Variants in CEP350 observed in about 807,000 individuals in gnomAD.
The protein encoded by CEP350 is centrosome-associated protein 350.
CEP350 carries 126 observed loss-of-function variants against 331.8 expected under a neutral mutation model. The ratio of observed to expected loss-of-function variants is 0.38; its 90% confidence interval spans 0.33 to 0.44. The LOEUF (loss-of-function observed/expected upper bound fraction) is 0.44. CEP350 is among the 20% of genes least tolerant of loss of function. CEP350 has a pLI of 1.00. For synonymous variants in CEP350, 1,200 were observed against 1,259.5 expected, an observed-to-expected ratio of 0.95 and a Z score of 1.00; for missense variants, 3,406 against 3,634.6, an observed-to-expected ratio of 0.94 and a Z score of 1.62.
At chr1:179,968,482 T>G (rs916620829) in intron 1 of CEP350, among the ~76,000 whole-genome samples, 1 of 152,164 alleles carries the variant, frequency 6.6e-6, no homozygotes, top group African/African-American at 2.4e-5. Flanking sequence ...TATACTGCAT[T>G]AAGGAGTCAT....
At chr1:179,993,244 A>G (rs1328221788) in intron 5 of CEP350, among the ~76,000 whole-genome samples, 1 of 152,152 alleles carries the variant, frequency 6.6e-6, no homozygotes, top group Non-Finnish European at 1.5e-5. Context: ...GAGTTAAAAA[A>G]AAGAAGGGAA....
Position 180,020,748 on chromosome 1 carries a change from A to T in CEP350, c.2974A>T (p.Ser992Cys). 6.2e-7 allele frequency: 1 copy of T among 1,614,004 alleles called. No homozygotes were observed. The highest frequency in any genetic ancestry group is 8.5e-7 in the Non-Finnish European group (1 of 1,179,892). ...TGAAGGGCCTCTTCTTAGTGAGGGG[A>T]GTCTCTCTGAAGAAGAGGGAGACCA... ...VSEGPLLSEG[S>C]LSEEEGDQDG... Residue 992 changes from serine to cysteine, a missense_variant, in exon 12 of 38, where the codon AGT becomes TGT. Around this residue, in one of 5 missense-constraint regions of CEP350, gnomAD observed 1,857 missense variants for 1,909.2 expected, o/e 0.97. Coordinates refer to ENST00000367607, the MANE Select transcript of CEP350 (RefSeq NM_014810.5).
intron 14 of CEP350, among the ~76,000 whole-genome samples, chr1:180,024,893 G>A (rs111402197): frequency 0.017 from 2,569 of 151,542 alleles, 73 homozygotes; most frequent in African/African-American, 0.058. Context: ...TGATGTATAC[G>A]TAAAATTATA....
chr1:180,061,041 C>G (rs1658199335), intron 25 of CEP350, among the ~76,000 whole-genome samples: 1 of 151,836 alleles, frequency 6.6e-6, no homozygotes, highest in Non-Finnish European at 1.5e-5. Context: ...TGAATATTAA[C>G]AATTGTTAAC....
At chr1:179,969,252 C>G (rs1651252480) in intron 1 of CEP350, 1 of 504,348 alleles carries the variant, frequency 2.0e-6, no homozygotes, top group African/African-American at 1.9e-5. Context: ...TACAGAGATC[C>G]TGAAGAGACT....
intron 37 of CEP350, among the ~76,000 whole-genome samples, chr1:180,108,940 A>T (rs1205432656): frequency 2.6e-5 from 4 of 152,162 alleles, no homozygotes; most frequent in Admixed American, 2.6e-4. Context: ...TCTAAAAGAG[A>T]AAGAATGTGG....
chr1:179,964,766 C>CTT (rs576706075), intron 1 of CEP350, among the ~76,000 whole-genome samples: 1 of 142,644 alleles, frequency 7.0e-6, no homozygotes, highest in Non-Finnish European at 1.5e-5. Flanking sequence ...GATCTTCTCA[C>CTT]TTTTTTTTTT....
chr1:180,079,414 T>C (rs1659426827), intron 29 of CEP350, among the ~76,000 whole-genome samples: 1 of 151,908 alleles, frequency 6.6e-6, no homozygotes, highest in Non-Finnish European at 1.5e-5. Flanking sequence ...TAATTTTGTT[T>C]CCCCATTGAA....
chr1:179,983,328 G>C (rs926667898), intron 1 of CEP350, among the ~76,000 whole-genome samples: 10 of 151,318 alleles, frequency 6.6e-5, no homozygotes. Context: ...TCTGCCTCCT[G>C]GGTTCAAGCA....
chr1:180,102,134 A>ATTTT, intron 37 of CEP350, among the ~76,000 whole-genome samples: 1 of 133,914 alleles, frequency 7.5e-6, no homozygotes, highest in South Asian at 2.4e-4. Flanking sequence ...CACCCTTGAC[A>ATTTT]TTTTTTTTTT....
intron 20 of CEP350, among the ~76,000 whole-genome samples, chr1:180,043,715 G>T (rs1656917049): frequency 6.6e-6 from 1 of 151,862 alleles, no homozygotes; most frequent in Non-Finnish European, 1.5e-5. Flanking sequence ...TTTATTCTAG[G>T]AGCAATGAAG....
At chr1:180,085,491 A>G (rs1571977425) in intron 31 of CEP350, 1 of 152,086 alleles carries the variant, frequency 6.6e-6, no homozygotes, top group African/African-American at 2.4e-5. Flanking sequence ...TTTCTATTAC[A>G]CACATTCTGC....
chr1:180,003,416 T>G lies in CEP350; in HGVS notation c.1132+129T>G, dbSNP rs533547496. The G allele has an allele frequency of 1.8e-4, 119 of 659,604 alleles. 2 individuals are homozygous for G. In the South Asian group the frequency reaches 2.1e-3, roughly 12 times the overall value. The allele number at this position is 659,604 out of a possible 1,614,324, so 40.9% of individuals were successfully genotyped here. A position where few individuals can be genotyped will look rare whatever the true frequency, so the allele number is the denominator to read the frequency against. On this transcript the variant is annotated intron_variant, in intron 7 of 37. Coordinates refer to ENST00000367607, the MANE Select transcript of CEP350 (RefSeq NM_014810.5). ...CTCTAACTGCATGGCATGCTGAAGT[T>G]GTGGTGGTTTGAGGCATAAGGCTCT... is the stretch of plus-strand genomic sequence containing the variant.
chr1:179,975,696 G>C (rs951349790), intron 1 of CEP350, among the ~76,000 whole-genome samples: 8 of 152,126 alleles, frequency 5.3e-5, no homozygotes, highest in African/African-American at 1.9e-4. Context: ...AAGAGTACAA[G>C]AAGAAAATTT....
chr1:180,058,061 C>T (rs900799179), intron 25 of CEP350, among the ~76,000 whole-genome samples: 6 of 152,136 alleles, frequency 3.9e-5, no homozygotes, highest in African/African-American at 1.4e-4. Context: ...GAGCAATTGC[C>T]ACTACCTGGT....
intron 1 of CEP350, chr1:179,969,401 G>C: frequency 1.9e-6 from 1 of 513,180 alleles, no homozygotes; most frequent in Non-Finnish European, 3.9e-6. Context: ...GGTGCCCTCT[G>C]TGCCTATTCA....
At chr1:180,047,110 T>C (rs1315482749) in intron 21 of CEP350, among the ~76,000 whole-genome samples, 1 of 151,790 alleles carries the variant, frequency 6.6e-6, no homozygotes. Flanking sequence ...ATCCATGGAG[T>C]TTCTTAGAAA....
rs972356169 is a variant in CEP350, at chr1:179,986,231, C to T, written c.50C>T (p.Ser17Phe). ...GTGCCTTTACCAAATCCAAGGAACT[C>T]TCAAAGCAAGGATACTGTTCAAGGT... is the stretch of plus-strand genomic sequence containing the variant. The part of the protein sequence containing the change: ...KEVPLPNPRN[S>F]QSKDTVQADI... Residue 17 changes from serine (S) to phenylalanine (F), a missense_variant, in exon 2 of 38, where the codon TCT becomes TTT. By Grantham distance (155) the Ser-to-Phe change is radical. Around this residue, in one of 5 missense-constraint regions of CEP350, gnomAD observed 1,857 missense variants for 1,909.2 expected, o/e 0.97. Coordinates refer to ENST00000367607, the MANE Select transcript of CEP350 (RefSeq NM_014810.5). 5 of 1,550,660 alleles carry T rather than the reference C, an allele frequency of 3.2e-6. No homozygotes were observed. In the Admixed American group the frequency reaches 7.8e-5, roughly 24 times the overall value.
In CEP350 at chr1:180,036,919, C is replaced by T; in HGVS notation, c.3947-7C>T. 1 of 1,531,618 alleles carries T rather than the reference C, an allele frequency of 6.5e-7. No homozygotes were observed. The allele number at this position is 1,531,618 out of a possible 1,614,324, so 94.9% of individuals were successfully genotyped here. ...CTTTTCCATTTGACCATTGTCATGC[C>T]TTCCAGGTTCTAAGCGCTTTTCTCC... is the stretch of plus-strand genomic sequence containing the variant. On this transcript the variant is annotated splice_region_variant and splice_polypyrimidine_tract_variant and intron_variant, in intron 16 of 37. Coordinates refer to ENST00000367607, the MANE Select transcript of CEP350 (RefSeq NM_014810.5).
Sources: allele counts gnomAD v4.1 joint callset (sites outside exome capture counted in the v4.1 genomes callset), GRCh38; gene constraint gnomAD v4.1.1; regional missense constraint gnomAD v4.1.1; transcripts MANE v1.5; gene names NCBI Gene and HGNC (gene_info 2026-07-23, HGNC 2026-07-21).